AP2B1: variants seen among roughly 807,000 people sequenced by gnomAD.
The protein encoded by AP2B1 is AP-2 complex subunit beta.
A neutral mutation model predicts 102.0 loss-of-function variants in AP2B1; 23 were observed. That is an observed-to-expected ratio of 0.23 (90% CI 0.16 to 0.32). The LOEUF (loss-of-function observed/expected upper bound fraction) is 0.32. Among genes scored for constraint, AP2B1 ranks in the 10% least tolerant of loss-of-function variants. The probability of loss-of-function intolerance (pLI) is 1.00; values close to 1 mark genes in which losing one functional copy is unlikely to be tolerated. For synonymous variants in AP2B1, 381 were observed against 421.2 expected (o/e 0.90, Z 1.17); for missense variants, 541 against 1,157.4 (o/e 0.47, Z 7.73).
chr17:35,612,810 G>A (rs191910918), intron 5 of AP2B1, among the ~76,000 whole-genome samples: 393 of 151,960 alleles, frequency 2.6e-3, no homozygotes, highest in African/African-American at 9.0e-3. Flanking sequence ...GGTGGCTCAC[G>A]CCTGTCATCC....
intron 5 of AP2B1, among the ~76,000 whole-genome samples, chr17:35,609,926 T>C (rs2073805792): frequency 6.6e-6 from 1 of 152,206 alleles, no homozygotes; most frequent in African/African-American, 2.4e-5. Context: ...AAGATTAGTA[T>C]TAAATCCACA....
intron 19 of AP2B1, 136 bp from the exon 20 acceptor site, chr17:35,710,098 A>AT (rs1278100154): frequency 1.4e-6 from 1 of 703,806 alleles, no homozygotes. Context: ...AGAGCTCAGC[A>AT]TTGGCTCCAT....
At position 35,705,420 on chromosome 17, in the gene AP2B1, A is replaced by G. The variant is rs140575516; in HGVS notation, c.2455-3804A>G. Among the ~76,000 whole-genome samples, 409 of 152,358 alleles carry G rather than the reference A, an allele frequency of 2.7e-3. 5 individuals are homozygous for G. The East Asian group carries it at 0.047, about 18-fold the overall frequency. ...TCTTTTTTAACATAATAGTAGTACT[A>G]CATCTGAGCATATGTAAGATTTCAG... is the stretch of plus-strand genomic sequence containing the variant. On this transcript the variant is annotated intron_variant, in intron 18 of 21. Transcript: ENST00000610402.
rs778533350 is a variant in AP2B1, at chr17:35,670,869, C to T, written c.2002C>T (p.Leu668Phe). ...GGLDSLLGSD[L>F]GGGIGGSPAV... ...TTCTCTCTTTCAGCTTGGCAGTGAC[C>T]TTGGCGGGGGCATTGGAGGAAGTCC... The change falls in exon 15 of 22, where the codon CTT becomes TTT. Residue 668 changes from leucine (L) to phenylalanine (F), a missense_variant. Around this residue, in one of 10 missense-constraint regions of AP2B1, gnomAD observed 27 missense variants for 84.1 expected, o/e 0.32. Transcript: ENST00000610402. 6.2e-7 allele frequency: 1 copy of T among 1,613,842 alleles called. No homozygotes were observed. Among genetic ancestry groups the T allele is most frequent in the African/African-American group, 1.3e-5 (1 of 74,872 alleles).
intron 14 of AP2B1, among the ~76,000 whole-genome samples, chr17:35,668,006 C>A (rs974427746): frequency 7.0e-6 from 1 of 142,674 alleles, no homozygotes; most frequent in African/African-American, 2.6e-5. Context: ...GGCATGATCT[C>A]GGCTCACTGC....
At chr17:35,604,555 C>T (rs918696249) in intron 3 of AP2B1, among the ~76,000 whole-genome samples, 2 of 123,832 alleles carry the variant, frequency 1.6e-5, no homozygotes, top group Non-Finnish European at 3.5e-5. Context: ...GTCAGGAGTT[C>T]GGGACTAGCC....
chr17:35,720,545 T>TTTTATATATATA (rs1402145369), intron 21 of AP2B1, among the ~76,000 whole-genome samples: 1 of 54,374 alleles, frequency 1.8e-5, no homozygotes, highest in African/African-American at 8.3e-5. Context: ...TTTATTTTAT[T>TTTTATATATATA]TATATATATA....
At chr17:35,618,665 A>G (rs2074090414) in intron 5 of AP2B1, among the ~76,000 whole-genome samples, 1 of 152,168 alleles carries the variant, frequency 6.6e-6, no homozygotes, top group Non-Finnish European at 1.5e-5. Flanking sequence ...AAGTGAGCTT[A>G]TGTGTGTGAT....
chr17:35,712,805 C>T (rs1248417988), intron 20 of AP2B1, among the ~76,000 whole-genome samples: 5 of 152,168 alleles, frequency 3.3e-5, no homozygotes, highest in African/African-American at 1.2e-4. Context: ...GTTAACTGAA[C>T]TTATTTGGCC....
intron 12 of AP2B1, among the ~76,000 whole-genome samples, chr17:35,643,115 T>C (rs758236264): frequency 9.3e-5 from 14 of 150,862 alleles, no homozygotes; most frequent in Admixed American, 2.0e-4. Context: ...CTGGGCCACA[T>C]TGGGAGGAGA....
intron 17 of AP2B1, among the ~76,000 whole-genome samples, chr17:35,678,983 G>GT (rs1454164174): frequency 3.4e-5 from 5 of 147,860 alleles, no homozygotes; most frequent in Non-Finnish European, 6.0e-5. Flanking sequence ...TGTTTGTTTT[G>GT]TTTTTTCAAG....
rs1271074770 is a variant in AP2B1 at position 35,694,087 on chromosome 17, A to G, written c.2454+11263A>G. Among the ~76,000 whole-genome samples, 3 of 152,182 alleles carry G rather than the reference A, an allele frequency of 2.0e-5. No individual in the cohort carries two copies. The East Asian group carries it at 5.8e-4, about 29-fold the overall frequency. On this transcript the variant is annotated intron_variant, in intron 18 of 21. Coordinates refer to ENST00000610402, the MANE Select transcript of AP2B1 (RefSeq NM_001030006.2). The stretch of plus-strand genomic sequence containing the variant: ...AAAATCAGTTATGTTCATTGACACC[A>G]ATTACTGCCTATTATTACTGAAGTT...
At chr17:35,657,910 G>C (rs2075269557) in intron 14 of AP2B1, 119 bp downstream of exon 14, 1 of 823,772 alleles carries the variant, frequency 1.2e-6, no homozygotes, top group Middle Eastern at 3.8e-4. Flanking sequence ...AGTGTCCTTT[G>C]ATAAAGGACA....
In AP2B1 at chr17:35,657,629, T is replaced by C. The variant is rs2075263313; in HGVS notation, c.1827T>C (p.Thr609=). The C allele has an allele frequency of 1.2e-6, 2 of 1,613,978 alleles. No individual in the cohort carries two copies. The highest frequency in any genetic ancestry group is 1.7e-6 in the Non-Finnish European group (2 of 1,179,862). The part of the protein sequence containing the change: ...STDAGDSPVG[T]TTATNLEQPQ... ...ATGCAGGTGACAGCCCTGTTGGCAC[T>C]ACCACTGCAACGAACCTGGAACAGC... Residue 609 remains threonine (T), a synonymous_variant, in exon 14 of 22, where the codon ACT becomes ACC. Coordinates refer to ENST00000610402, the MANE Select transcript of AP2B1 (RefSeq NM_001030006.2).
rs563134418 is a variant in AP2B1, at chr17:35,624,387, T to C, written c.526-10T>C. 195 of 1,613,770 alleles carry C rather than the reference T, an allele frequency of 1.2e-4. 1 individual carries two copies. In the South Asian group the frequency reaches 1.5e-3, roughly 13 times the overall value. On this transcript the variant is annotated splice_polypyrimidine_tract_variant and intron_variant, in intron 5 of 21. Transcript: ENST00000610402. ...TTGGTGAATCAAGGTCATACCCCCT[T>C]CTTTTCCAGGTGGTGGCTAATGCCG...
chr17:35,641,434 TA>T (rs768651445), intron 11 of AP2B1, among the ~76,000 whole-genome samples: 1 of 151,964 alleles, frequency 6.6e-6, no homozygotes, highest in Non-Finnish European at 1.5e-5. Flanking sequence ...TTTTAAAAAT[TA>T]GTTGTAGTGG....
At chr17:35,617,852 CTG>C (rs1300848100) in intron 5 of AP2B1, among the ~76,000 whole-genome samples, 10 of 152,192 alleles carry the variant, frequency 6.6e-5, no homozygotes, top group Non-Finnish European at 4.4e-5. Context: ...GTCCAAATAA[CTG>C]TGATGGTTAT....
chr17:35,595,380 T>C (rs1162582121), intron 2 of AP2B1, among the ~76,000 whole-genome samples: 1 of 151,724 alleles, frequency 6.6e-6, no homozygotes, highest in Non-Finnish European at 1.5e-5. Context: ...CCTATCTCTA[T>C]GAAAAAAAAT....
intron 14 of AP2B1, among the ~76,000 whole-genome samples, chr17:35,670,513 C>T (rs112865847): frequency 6.6e-6 from 1 of 151,950 alleles, no homozygotes; most frequent in African/African-American, 2.4e-5. Context: ...GAAATATTGC[C>T]GCTTGGGGAT....
Sources: gnomAD v4.1 joint callset for allele counts (sites outside exome capture counted in the v4.1 genomes callset) on GRCh38, gnomAD v4.1.1 for gene constraint, gnomAD v4.1.1 regional missense constraint, MANE v1.5 for transcripts, NCBI Gene and HGNC (gene_info 2026-07-23, HGNC 2026-07-21) for gene names.